Variants in BPTF observed in about 807,000 individuals in gnomAD.
BPTF encodes nucleosome-remodeling factor subunit BPTF.
In BPTF, 18 loss-of-function variants were observed where a neutral mutation model predicts 292.5. That is an observed-to-expected ratio of 0.06 (90% CI 0.04 to 0.09). BPTF has a LOEUF of 0.09. Among genes scored for constraint, BPTF ranks in the 10% least tolerant of loss-of-function variants. The pLI, the probability that BPTF is intolerant of heterozygous loss-of-function variation, is 1.00. For missense variants in BPTF, 2,726 were observed against 3,498.7 expected, an observed-to-expected ratio of 0.78 and a Z score of 5.57; for synonymous variants, 1,225 against 1,251.9, an observed-to-expected ratio of 0.98 and a Z score of 0.45.
intron 27 of BPTF, among the ~76,000 whole-genome samples, chr17:67,980,950 G>A (rs1280869110): frequency 6.6e-6 from 1 of 152,118 alleles, no homozygotes; most frequent in Non-Finnish European, 1.5e-5. Flanking sequence ...TTGAGCCCAG[G>A]AGTTTGAGAC....
rs889216867 is a variant in BPTF at position 67,917,088 on chromosome 17, CAG to C, written c.5304-1620_5304-1619del. Among the ~76,000 whole-genome samples the C allele has an allele frequency of 7.5e-5, 11 of 147,326 alleles. No individual in the cohort carries two copies. In the East Asian group the frequency reaches 1.8e-3, roughly 25 times the overall value. The stretch of plus-strand genomic sequence containing the variant: ...CAATGTTTAGAAACAAACATGAACA[CAG>C]AGAGATTTGTCTGTTGATAAGTAAC... On this transcript the variant is annotated intron_variant, in intron 11 of 27. Coordinates refer to ENST00000306378, the MANE Select transcript of BPTF (RefSeq NM_182641.4).
At chr17:67,867,879 C>T (rs777022119) in intron 3 of BPTF, among the ~76,000 whole-genome samples, 7 of 152,148 alleles carry the variant, frequency 4.6e-5, no homozygotes, top group Non-Finnish European at 7.4e-5. Context: ...CATCCTCCCC[C>T]AACCCCTCAA....
chr17:67,860,213 T>C (rs1331811540), intron 2 of BPTF, among the ~76,000 whole-genome samples: 2 of 152,230 alleles, frequency 1.3e-5, no homozygotes, highest in African/African-American at 2.4e-5. Flanking sequence ...CATAGTGATA[T>C]GTGTCAACAA....
At chr17:67,978,454 A>G (rs2069846749) in intron 27 of BPTF, among the ~76,000 whole-genome samples, 1 of 151,452 alleles carries the variant, frequency 6.6e-6, no homozygotes, top group Non-Finnish European at 1.5e-5. Context: ...AGCCACCACC[A>G]TGCCCAGCTG....
rs749235670 is a variant in BPTF, at chr17:67,931,941, A to G, written c.6181A>G (p.Met2061Val). 83 of 1,613,896 alleles carry G rather than the reference A, an allele frequency of 5.1e-5. No homozygotes were observed. The highest frequency in any genetic ancestry group is 6.3e-5 in the Non-Finnish European group (74 of 1,179,966). The change falls in exon 18 of 28, where the codon ATG (methionine) becomes GTG (valine). Residue 2061 changes from methionine (M) to valine (V), a missense_variant. By Grantham distance (21) the Met-to-Val change is conservative. Transcript: ENST00000306378. ...VITGPQIRPG[M>V]TVIRTPLQQS... ...CACAGGGCCTCAGATTCGCCCTGGT[A>G]TGACCGTGATTAGAACACCACTCCA...
rs561316267 is a variant in BPTF at position 67,858,555 on chromosome 17, CAAA to C, written c.1436+3814_1436+3816del. ...GGGTGATGGAGTGAGACTCTGTCTCCAAAAAAAAAAAAAAAAAAAAAAAGTTTA... is the reference window on the plus strand; with the variant it reads ...GGGTGATGGAGTGAGACTCTGTCTCCAAAAAAAAAAAAAAAAAAAAGTTTA... On this transcript the variant is annotated intron_variant, in intron 2 of 27. Transcript: ENST00000306378. 1.3e-3 allele frequency among the ~76,000 whole-genome samples: 105 copies of C among 77,902 alleles called. 2 individuals carry two copies. The highest frequency in any genetic ancestry group is 5.9e-3 in the African/African-American group (93 of 15,782). The allele number at this position is 77,902 out of a possible 152,430, so 51.1% of individuals were successfully genotyped here.
intron 4 of BPTF, among the ~76,000 whole-genome samples, chr17:67,884,801 AT>A (rs562136759): frequency 5.4e-4 from 79 of 145,952 alleles, no homozygotes; most frequent in Non-Finnish European, 4.9e-4. Flanking sequence ...GTAATTTAGT[AT>A]TTTTTTTTTT....
intron 7 of BPTF, among the ~76,000 whole-genome samples, chr17:67,897,174 C>A (rs60477798): frequency 0.2 from 20,408 of 101,606 alleles, 4,637 homozygotes; most frequent in African/African-American, 0.53. Context: ...TTAAAAAAAA[C>A]AAAAACAAAA....
In BPTF at chr17:67,964,389, G is replaced by C; in HGVS notation, c.8439G>C (p.Val2813=). The C allele has an allele frequency of 1.2e-6, 2 of 1,613,514 alleles. No homozygotes were observed. Among genetic ancestry groups the C allele is most frequent in the South Asian group, 2.2e-5 (2 of 91,060 alleles). ...AGGATTATGAGGGGTTGAAGAGGGTGCTCCGTTCCTTACAGGTGAGACCCC... is the reference window on the plus strand; with the variant it reads ...AGGATTATGAGGGGTTGAAGAGGGTCCTCCGTTCCTTACAGGTGAGACCCC... ...TEKDYEGLKR[V]LRSLQAHKMA... Residue 2813 remains valine (V), a synonymous_variant, in exon 25 of 28, where the codon GTG becomes GTC. Coordinates refer to ENST00000306378, the MANE Select transcript of BPTF (RefSeq NM_182641.4).
chr17:67,892,220 G>A (rs971738781), intron 5 of BPTF, among the ~76,000 whole-genome samples, 186 bp downstream of exon 5: 24 of 152,290 alleles, frequency 1.6e-4, no homozygotes, highest in African/African-American at 4.6e-4. Context: ...GCATAGTTGC[G>A]TACCCAAATT....
At chr17:67,856,957 A>G (rs182396150) in intron 2 of BPTF, among the ~76,000 whole-genome samples, 54 of 152,138 alleles carry the variant, frequency 3.5e-4, no homozygotes, top group Non-Finnish European at 6.2e-4. Context: ...CCAGTTCCCT[A>G]TTCTAGAGAC....
intron 2 of BPTF, among the ~76,000 whole-genome samples, chr17:67,864,741 A>G (rs1220037721): frequency 6.6e-6 from 1 of 152,130 alleles, no homozygotes; most frequent in Non-Finnish European, 1.5e-5. Flanking sequence ...GCTGTGGATC[A>G]GAAGTATTAT....
At chr17:67,952,841 AC>A (rs1233419585) in intron 23 of BPTF, among the ~76,000 whole-genome samples, 1 of 152,118 alleles carries the variant, frequency 6.6e-6, no homozygotes, top group Non-Finnish European at 1.5e-5. Flanking sequence ...CCCGTGTGCC[AC>A]CTTCTTGTTC....
chr17:67,968,194 T>C (rs2068343179), intron 26 of BPTF, among the ~76,000 whole-genome samples: 1 of 151,428 alleles, frequency 6.6e-6, no homozygotes, highest in Non-Finnish European at 1.5e-5. Context: ...GAAAGAATTA[T>C]GTTCCAAAAG....
At chr17:67,870,918 C>T (rs1224588396) in intron 3 of BPTF, among the ~76,000 whole-genome samples, 1 of 150,950 alleles carries the variant, frequency 6.6e-6, no homozygotes, top group Admixed American at 6.6e-5. Flanking sequence ...TACAGGCGCC[C>T]GCCACTACGC....
chr17:67,925,192 A>G (rs984695448), intron 15 of BPTF, among the ~76,000 whole-genome samples: 5 of 151,106 alleles, frequency 3.3e-5, no homozygotes, highest in African/African-American at 1.2e-4. Context: ...GATTTCTATT[A>G]TTTATTATCT....
intron 2 of BPTF, among the ~76,000 whole-genome samples, chr17:67,860,853 A>G (rs1397762281): frequency 1.3e-5 from 2 of 152,242 alleles, no homozygotes; most frequent in East Asian, 3.8e-4. Flanking sequence ...GGACCACCAC[A>G]CGCCTTTAAA....
In BPTF at chr17:67,840,633, C is replaced by T. The variant is rs112464681; in HGVS notation, c.614-13307C>T. Among the ~76,000 whole-genome samples the T allele has an allele frequency of 3.8e-3, 582 of 152,078 alleles. 6 individuals carry two copies. Among genetic ancestry groups the T allele is most frequent in the African/African-American group, 0.013 (544 of 41,504 alleles). ...GTGGCATGATCTTGGCTCACTGGAG[C>T]CCGTCATTCCCCGCCTACCCAAGGC... On this transcript the variant is annotated intron_variant, in intron 1 of 27. Transcript: ENST00000306378.
intron 15 of BPTF, among the ~76,000 whole-genome samples, chr17:67,926,099 C>A (rs888624596): frequency 1.4e-5 from 2 of 142,064 alleles, no homozygotes; most frequent in African/African-American, 5.2e-5. Context: ...TCTCAATCTC[C>A]TGGGCTCAAG....
Sources: allele counts gnomAD v4.1 joint callset (sites outside exome capture counted in the v4.1 genomes callset), GRCh38; gene constraint gnomAD v4.1.1; transcripts MANE v1.5; gene names NCBI Gene and HGNC (gene_info 2026-07-23, HGNC 2026-07-21).